Variants in ZZZ3 observed in about 807,000 individuals in gnomAD.
The protein encoded by ZZZ3 is ZZ-type zinc finger-containing protein 3.
Under a neutral mutation model 95.2 loss-of-function variants are expected in ZZZ3, and 22 were observed. That is an observed-to-expected ratio of 0.23 (90% CI 0.17 to 0.33). ZZZ3 has a LOEUF of 0.33. ZZZ3 is among the 10% of genes least tolerant of loss of function. The pLI is 1.00. For synonymous variants in ZZZ3, 335 were observed against 358.9 expected, an observed-to-expected ratio of 0.93 and a Z score of 0.75; for missense variants, 885 against 1,066.5, an observed-to-expected ratio of 0.83 and a Z score of 2.37.
Position 77,579,799 on chromosome 1 carries a change from A to T in ZZZ3, c.1981-171T>A, listed in dbSNP as rs1190624899. 9.2e-6 allele frequency: 4 copies of T among 435,712 alleles called. No homozygotes were observed. The East Asian group carries it at 1.6e-4, about 18-fold the overall frequency. The allele number at this position is 435,712 out of a possible 1,614,324, so 27.0% of individuals were successfully genotyped here. On this transcript the variant is annotated intron_variant, in intron 9 of 14. Transcript: ENST00000370801. ...GGAAAAATTTCTAGTTAGAAACTTA[A>T]GACTTCACAGGGAACAATGAAATTA...
intron 12 of ZZZ3, among the ~76,000 whole-genome samples, chr1:77,571,074 T>C (rs1249346580): frequency 6.6e-6 from 1 of 152,152 alleles, no homozygotes; most frequent in African/African-American, 2.4e-5. Flanking sequence ...TATACACTAA[T>C]AAATAAGTGA....
intron 1 of ZZZ3, among the ~76,000 whole-genome samples, chr1:77,648,171 A>T (rs888638308): frequency 6.6e-6 from 1 of 151,938 alleles, no homozygotes; most frequent in Admixed American, 6.6e-5. Flanking sequence ...CAGCCTGAGC[A>T]ACATGGCAAG....
intron 5 of ZZZ3, among the ~76,000 whole-genome samples, chr1:77,590,311 T>C (rs1452486032): frequency 6.6e-6 from 1 of 151,900 alleles, no homozygotes; most frequent in African/African-American, 2.4e-5. Flanking sequence ...GAGGTAGAGG[T>C]TGTTGTGAGC....
intron 12 of ZZZ3, among the ~76,000 whole-genome samples, 174 bp from the exon 13 acceptor site, chr1:77,568,640 ACTT>A (rs1306576166): frequency 2.8e-4 from 32 of 115,764 alleles, no homozygotes; most frequent in Admixed American, 1.8e-3. Flanking sequence ...ATGCTTTTGG[ACTT>A]TTTTTTTTTT....
rs560456352 is a variant in ZZZ3, at chr1:77,632,236, T to C, written c.1119A>G (p.Glu373=). Residue 373 remains glutamate (E), a synonymous_variant, in exon 5 of 15, where the codon GAA becomes GAG. Coordinates refer to ENST00000370801, the MANE Select transcript of ZZZ3 (RefSeq NM_015534.6). ...AQMMSLSEPQ[E]HRYTLRTSPR... ...GTGAGGTTCTCAGAGTATAACGATG[T>C]TCTTGAGGTTCTGATAAAGACATCA... is the stretch of plus-strand genomic sequence containing the variant. 269 of 1,614,046 alleles carry C rather than the reference T, an allele frequency of 1.7e-4. 1 individual carries two copies. The South Asian group carries it at 2.8e-3, about 17-fold the overall frequency.
intron 12 of ZZZ3, among the ~76,000 whole-genome samples, chr1:77,572,832 G>C (rs1485487581): frequency 6.6e-6 from 1 of 151,052 alleles, no homozygotes; most frequent in East Asian, 2.0e-4. Flanking sequence ...TTTTTGTAGA[G>C]ATGGGGTCTC....
intron 1 of ZZZ3, among the ~76,000 whole-genome samples, chr1:77,642,479 C>T (rs906558337): frequency 6.6e-6 from 1 of 152,078 alleles, no homozygotes; most frequent in African/African-American, 2.4e-5. Flanking sequence ...CATGGTGGCT[C>T]ATGCCTGTAA....
At chr1:77,576,757 T>TAA (rs1369122622) in intron 11 of ZZZ3, among the ~76,000 whole-genome samples, 1 of 137,948 alleles carries the variant, frequency 7.2e-6, no homozygotes, top group African/African-American at 2.7e-5. Flanking sequence ...ACACTCACAC[T>TAA]AAAAAAAAAA....
At chr1:77,567,052 A>G (rs1410353014) in intron 13 of ZZZ3, among the ~76,000 whole-genome samples, 1 of 152,228 alleles carries the variant, frequency 6.6e-6, no homozygotes, top group Admixed American at 6.5e-5. Context: ...AAATCATTTA[A>G]TATAGTATGG....
chr1:77,580,910 G>A (rs1662447327), intron 9 of ZZZ3, 88 bp downstream of exon 9: 3 of 1,115,328 alleles, frequency 2.7e-6, no homozygotes, highest in Non-Finnish European at 4.1e-6. Flanking sequence ...ACAGGCGTGA[G>A]CCACTGGACC....
intron 12 of ZZZ3, among the ~76,000 whole-genome samples, chr1:77,573,550 G>C (rs1661626969): frequency 1.3e-5 from 2 of 152,120 alleles, no homozygotes; most frequent in African/African-American, 2.4e-5. Flanking sequence ...CCCTAGCAAA[G>C]CCTGATAAAT....
At chr1:77,676,212 G>T (rs1458371495) in intron 1 of ZZZ3, among the ~76,000 whole-genome samples, 1 of 152,186 alleles carries the variant, frequency 6.6e-6, no homozygotes, top group Non-Finnish European at 1.5e-5. Flanking sequence ...TGTCACCCAG[G>T]CTGGAGTGTA....
chr1:77,589,154 G>C (rs1380200622), intron 5 of ZZZ3, among the ~76,000 whole-genome samples: 1 of 152,110 alleles, frequency 6.6e-6, no homozygotes, highest in Non-Finnish European at 1.5e-5. Flanking sequence ...TGGGATTATA[G>C]GCGTGAGCCC....
intron 5 of ZZZ3, among the ~76,000 whole-genome samples, chr1:77,590,441 C>T (rs970274641): frequency 7.2e-5 from 11 of 152,184 alleles, no homozygotes; most frequent in Non-Finnish European, 1.6e-4. Context: ...TGGAACATAG[C>T]CACACTCATT....
chr1:77,585,286 AC>A (rs1393967040), intron 5 of ZZZ3, among the ~76,000 whole-genome samples: 1 of 152,218 alleles, frequency 6.6e-6, no homozygotes, highest in Non-Finnish European at 1.5e-5. Flanking sequence ...AGATATTTAT[AC>A]TTTCCTGCTT....
rs1664549232 is a variant in ZZZ3, at chr1:77,599,681, A to C, written c.1506-15026T>G. Among the ~76,000 whole-genome samples the C allele has an allele frequency of 2.0e-5, 3 of 152,110 alleles. No homozygotes were observed. In the South Asian group the frequency reaches 6.2e-4, roughly 31 times the overall value. Reference sequence around the variant, plus strand: ...GAGTAAAAAAATTAGTCTGTTTAACAACTCTTCCTGCTCTTATTCATCTGC... The same window carrying C: ...GAGTAAAAAAATTAGTCTGTTTAACCACTCTTCCTGCTCTTATTCATCTGC... On this transcript the variant is annotated intron_variant, in intron 5 of 14. Transcript: ENST00000370801.
At chr1:77,595,201 A>G (rs1434504891) in intron 5 of ZZZ3, among the ~76,000 whole-genome samples, 1 of 152,054 alleles carries the variant, frequency 6.6e-6, no homozygotes, top group Non-Finnish European at 1.5e-5. Context: ...TTATTTAAAT[A>G]TTGAAAAATA....
At chr1:77,683,376 G>C (rs1233007072), upstream of ZZZ3, 1 of 152,030 alleles carries the variant, frequency 6.6e-6, no homozygotes, top group Non-Finnish European at 1.5e-5. Flanking sequence ...AAGCTCGATA[G>C]CGGCGCCGCG....
At chr1:77,571,847 G>A (rs1038647900) in intron 12 of ZZZ3, among the ~76,000 whole-genome samples, 7 of 152,072 alleles carry the variant, frequency 4.6e-5, no homozygotes, top group African/African-American at 7.2e-5. Context: ...TCTGGAAACC[G>A]GTTGCACAAT....
Sources: allele counts gnomAD v4.1 joint callset (sites outside exome capture counted in the v4.1 genomes callset), GRCh38; gene constraint gnomAD v4.1.1; transcripts MANE v1.5; gene names NCBI Gene and HGNC (gene_info 2026-07-23, HGNC 2026-07-21).